The following BTLA variants were observed in gnomAD, a reference collection of about 807,000 sequenced individuals.
The protein encoded by BTLA is B- and T-lymphocyte attenuator.
In BTLA, 11 loss-of-function variants were observed where a neutral mutation model predicts 25.0. The ratio of observed to expected loss-of-function variants is 0.44; its 90% CI spans 0.28 to 0.73. The LOEUF is 0.73. BTLA is among the 30% of genes least tolerant of loss of function. The probability of loss-of-function intolerance (pLI) is 0.15; values close to 1 mark genes in which losing one functional copy is unlikely to be tolerated. For missense variants in BTLA, 282 were observed against 332.8 expected, an observed-to-expected ratio of 0.85 and a Z score of 1.19; for synonymous variants, 104 against 119.8, an observed-to-expected ratio of 0.87 and a Z score of 0.86.
Position 112,471,349 on chromosome 3 carries a change from T to G in BTLA, c.410A>C (p.Lys137Thr), listed in dbSNP as rs1296144500. 6.2e-7 allele frequency: 1 copy of G among 1,613,478 alleles called. No individual in the cohort carries two copies. The highest frequency in any genetic ancestry group is 8.5e-7 in the Non-Finnish European group (1 of 1,179,696). ...CTTGGAGGGTCGTTCTGAGGCACTT[T>G]TTACATCTGGAATGTTAGTAAATGC... is the stretch of plus-strand genomic sequence containing the variant. ...HSTTLYVTDV[K>T]SASERPSKDE... The change falls in exon 3 of 5, where the codon AAA becomes ACA. Residue 137 changes from lysine (K) to threonine (T), a missense_variant. Lys to Thr is a moderately conservative substitution (Grantham distance 78). Around this residue, in one of 2 missense-constraint regions of BTLA, gnomAD observed 163 missense variants for 230.4 expected, o/e 0.71. Transcript: ENST00000334529.
intron 1 of BTLA, among the ~76,000 whole-genome samples, chr3:112,494,574 A>G (rs371397868): frequency 2.7e-4 from 41 of 152,376 alleles, no homozygotes; most frequent in African/African-American, 9.9e-4. Context: ...CTATGCAGCC[A>G]TAAAAAAGAA....
In BTLA at chr3:112,466,337, T is replaced by G; in HGVS notation, c.641A>C (p.Gln214Pro). The G allele has an allele frequency of 6.2e-7, 1 of 1,613,290 alleles. No homozygotes were observed. The highest frequency in any genetic ancestry group is 8.5e-7 in the Non-Finnish European group (1 of 1,179,576). Reference sequence around the variant, plus strand: ...TTCTGATAGCAGTACTTGGGAATTTTGCCTGGTGCTTGCTTCTGTTTGCTC... The same window carrying G: ...TTCTGATAGCAGTACTTGGGAATTTGGCCTGGTGCTTGCTTCTGTTTGCTC... ...KSEQTEASTR[Q>P]NSQVLLSETG... Residue 214 changes from glutamine to proline, a missense_variant, in exon 5 of 5, where the codon CAA becomes CCA. Transcript: ENST00000334529.
rs2082306233 is a variant in BTLA at position 112,479,511 on chromosome 3, G to C, written c.347C>G (p.Ser116Cys). 1 of 1,613,938 alleles carries C rather than the reference G, an allele frequency of 6.2e-7. No individual in the cohort carries two copies. The highest frequency in any genetic ancestry group is 1.3e-5 in the African/African-American group (1 of 74,928). Residue 116 changes from serine to cysteine, a missense_variant, in exon 2 of 5, where the codon TCT (serine) becomes TGT (cysteine). Transcript: ENST00000334529. The stretch of plus-strand genomic sequence containing the variant: ...AATGAGATTAGACTGAAAATTTGCA[G>C]AACAGCGGTATGACCCATTGTCATT... ...LPNDNGSYRC[S>C]ANFQSNLIES... is the part of the protein sequence containing the mutation.
chr3:112,468,330 G>A (rs757682912), intron 4 of BTLA, among the ~76,000 whole-genome samples: 27 of 152,076 alleles, frequency 1.8e-4, no homozygotes, highest in Non-Finnish European at 3.2e-4. Flanking sequence ...TTCCTTTCCT[G>A]TCATGTTTAT....
chr3:112,479,331 G>A, intron 2 of BTLA, 124 bp downstream of exon 2: 1 of 856,260 alleles, frequency 1.2e-6, no homozygotes, highest in Non-Finnish European at 1.9e-6. Context: ...TCTGTGAGGT[G>A]TAGCAGATTT....
chr3:112,496,755 C>A (rs1028137536), intron 1 of BTLA, among the ~76,000 whole-genome samples: 1 of 152,094 alleles, frequency 6.6e-6, no homozygotes, highest in Non-Finnish European at 1.5e-5. Context: ...GTACTTCACT[C>A]AAGTCTTTCC....
At chr3:112,496,935 C>T (rs1389011136) in intron 1 of BTLA, among the ~76,000 whole-genome samples, 1 of 152,180 alleles carries the variant, frequency 6.6e-6, no homozygotes, top group South Asian at 2.1e-4. Context: ...ACCATGTTGA[C>T]CAGTCTGGTC....
At chr3:112,467,131 T>C (rs1206727791) in intron 4 of BTLA, among the ~76,000 whole-genome samples, 1 of 152,032 alleles carries the variant, frequency 6.6e-6, no homozygotes, top group Non-Finnish European at 1.5e-5. Flanking sequence ...CTAATTTTTT[T>C]TTGTATTTTT....
rs988046114 is a variant in BTLA at position 112,464,666 on chromosome 3, C to A, written c.*1442G>T. ...ATATACCCCACTTGTATTCTAAACT[C>A]CATAATTTCACATATTATTTTCTTT... On this transcript the variant is annotated 3_prime_UTR_variant, in exon 5 of 5. Coordinates refer to ENST00000334529, the MANE Select transcript of BTLA (RefSeq NM_181780.4). 8.5e-5 allele frequency: 13 copies of A among 152,416 alleles called. No individual in the cohort carries two copies. The highest frequency in any genetic ancestry group is 3.1e-4 in the African/African-American group (13 of 41,450). The allele number at this position is 152,416 out of a possible 1,614,324, so 9.4% of individuals were successfully genotyped here.
At chr3:112,484,819 G>C (rs2082337667) in intron 1 of BTLA, among the ~76,000 whole-genome samples, 1 of 152,112 alleles carries the variant, frequency 6.6e-6, no homozygotes. Context: ...CTTATCAGCA[G>C]GATAATGATC....
intron 4 of BTLA, among the ~76,000 whole-genome samples, chr3:112,466,919 C>T (rs895012727): frequency 6.6e-6 from 1 of 151,206 alleles, no homozygotes; most frequent in Non-Finnish European, 1.5e-5. Flanking sequence ...AGTTCCAAAA[C>T]AGTATTCCAG....
chr3:112,479,381 T>G, intron 2 of BTLA, 74 bp downstream of exon 2: 5 of 1,414,886 alleles, frequency 3.5e-6, no homozygotes, highest in Non-Finnish European at 4.8e-6. Flanking sequence ...CATAATCACT[T>G]GAGAAACTGA....
At chr3:112,478,174 A>G (rs1220382931) in intron 2 of BTLA, among the ~76,000 whole-genome samples, 1 of 152,118 alleles carries the variant, frequency 6.6e-6, no homozygotes, top group Non-Finnish European at 1.5e-5. Context: ...AAAAGCTGTT[A>G]GGATTTTAGT....
intron 1 of BTLA, among the ~76,000 whole-genome samples, chr3:112,483,695 T>A (rs566396689): frequency 6.6e-6 from 1 of 151,340 alleles, no homozygotes; most frequent in Non-Finnish European, 1.5e-5. Flanking sequence ...AGGCCGGGCA[T>A]GGTGGCTCAC....
At position 112,469,766 on chromosome 3, in the gene BTLA, T is replaced by C. The variant is rs2082252235; in HGVS notation, c.586A>G (p.Ile196Val). 1.2e-6 allele frequency: 2 copies of C among 1,604,110 alleles called. No individual in the cohort carries two copies. Among genetic ancestry groups the C allele is most frequent in the African/African-American group, 2.7e-5 (2 of 73,492 alleles). ...AGCTACATCAAGCTTACCAGGTTAATTTCCCTTCCTGCTGTGTCAGAGAGT... is the reference window on the plus strand; with the variant it reads ...AGCTACATCAAGCTTACCAGGTTAACTTCCCTTCCTGCTGTGTCAGAGAGT... ...NELSDTAGRE[I>V]NLVDAHLKSE... Residue 196 changes from isoleucine to valine, a missense_variant, in exon 4 of 5, where the codon ATT becomes GTT. By Grantham distance (29) the Ile-to-Val change is conservative. Transcript: ENST00000334529.
intron 1 of BTLA, among the ~76,000 whole-genome samples, chr3:112,484,588 T>C (rs1247189089): frequency 6.6e-6 from 1 of 152,242 alleles, no homozygotes; most frequent in Non-Finnish European, 1.5e-5. Flanking sequence ...GCCTGCAATT[T>C]CTATTCCTAT....
At chr3:112,475,125 G>A (rs1315907638) in intron 2 of BTLA, among the ~76,000 whole-genome samples, 1 of 152,176 alleles carries the variant, frequency 6.6e-6, no homozygotes, top group Non-Finnish European at 1.5e-5. Flanking sequence ...GCTTATAGAA[G>A]CAATTGGAGG....
chr3:112,497,490 G>T (rs2082415679), intron 1 of BTLA, among the ~76,000 whole-genome samples: 1 of 152,136 alleles, frequency 6.6e-6, no homozygotes, highest in African/African-American at 2.4e-5. Flanking sequence ...CCATCAATGT[G>T]GTTTAGCACT....
At chr3:112,469,659 A>C in intron 4 of BTLA, 99 bp downstream of exon 4, 2 of 499,622 alleles carry the variant, frequency 4.0e-6, no homozygotes, top group South Asian at 1.9e-5. Flanking sequence ...AGTACATAGA[A>C]TAATGCCTGG....
Sources: gnomAD v4.1 joint callset for allele counts (sites outside exome capture counted in the v4.1 genomes callset) on GRCh38, gnomAD v4.1.1 for gene constraint, gnomAD v4.1.1 regional missense constraint, MANE v1.5 for transcripts, NCBI Gene and HGNC (gene_info 2026-07-23, HGNC 2026-07-21) for gene names.